AUTS2: variants seen among roughly 807,000 people sequenced by gnomAD.
AUTS2 encodes the protein activator of transcription and developmental regulator AUTS2.
Under a neutral mutation model 112.4 loss-of-function variants are expected in AUTS2, and 17 were observed. The ratio of observed to expected loss-of-function variants is 0.15; its 90% CI spans 0.10 to 0.23. The LOEUF (loss-of-function observed/expected upper bound fraction) is 0.23. Among genes scored for constraint, AUTS2 ranks in the 10% least tolerant of loss-of-function variants. The pLI, the probability that AUTS2 is intolerant of heterozygous loss-of-function variation, is 1.00. For missense variants in AUTS2, 1,510 were observed against 1,701.6 expected, an observed-to-expected ratio of 0.89 and a Z score of 1.98; for synonymous variants, 751 against 702.7, an observed-to-expected ratio of 1.07 and a Z score of -1.09.
At chr7:70,384,059 G>A (rs1217265771) in intron 4 of AUTS2, among the ~76,000 whole-genome samples, 1 of 152,228 alleles carries the variant, frequency 6.6e-6, no homozygotes, top group Non-Finnish European at 1.5e-5. Context: ...GAAAAACCAT[G>A]AGATTGTTTG....
intron 1 of AUTS2, among the ~76,000 whole-genome samples, chr7:69,663,861 A>G (rs2851483): frequency 0.61 from 92,597 of 152,050 alleles, 28,591 homozygotes; most frequent in East Asian, 0.71. Flanking sequence ...TAAATATTCA[A>G]CCAAGGGCAT....
chr7:70,272,235 T>TA (rs59227972), intron 4 of AUTS2, among the ~76,000 whole-genome samples: 1,909 of 143,360 alleles, frequency 0.013, 26 homozygotes, highest in South Asian at 0.03. Context: ...GTAGTTAAAT[T>TA]AAAAAAAAAA....
At chr7:70,020,787 G>A (rs1423456243) in intron 2 of AUTS2, among the ~76,000 whole-genome samples, 1 of 151,954 alleles carries the variant, frequency 6.6e-6, no homozygotes, top group Non-Finnish European at 1.5e-5. Flanking sequence ...AGGCTCAAGT[G>A]ATTCTCCCAC....
intron 2 of AUTS2, among the ~76,000 whole-genome samples, chr7:70,099,744 C>G (rs989485376): frequency 1.3e-5 from 2 of 152,062 alleles, no homozygotes; most frequent in African/African-American, 4.8e-5. Flanking sequence ...AAAAATTCCT[C>G]CAGAAAAGTC....
intron 4 of AUTS2, among the ~76,000 whole-genome samples, chr7:70,173,553 A>C (rs1808822260): frequency 6.6e-6 from 1 of 152,154 alleles, no homozygotes; most frequent in African/African-American, 2.4e-5. Flanking sequence ...ACTTCCAATA[A>C]GTTCTTTTCT....
chr7:69,691,635 A>G (rs912519871), intron 1 of AUTS2, among the ~76,000 whole-genome samples: 6 of 151,404 alleles, frequency 4.0e-5, no homozygotes, highest in African/African-American at 1.2e-4. Flanking sequence ...TTCCAAGCCT[A>G]TGGGAGTTGG....
At chr7:69,619,543 G>A (rs147780121) in intron 1 of AUTS2, among the ~76,000 whole-genome samples, 22 of 152,262 alleles carry the variant, frequency 1.4e-4, no homozygotes, top group African/African-American at 5.1e-4. Context: ...AATAAGATGT[G>A]CCCCACCACC....
chr7:69,783,646 G>A (rs990142634), intron 1 of AUTS2, among the ~76,000 whole-genome samples: 2 of 152,196 alleles, frequency 1.3e-5, no homozygotes, highest in Admixed American at 1.3e-4. Flanking sequence ...AAGGAAAGTA[G>A]CATGCCTGTG....
At position 70,134,057 on chromosome 7, in the gene AUTS2, G is replaced by T. The variant is rs181206250; in HGVS notation, c.625-479G>T. On this transcript the variant is annotated intron_variant, in intron 3 of 18. Transcript: ENST00000342771. ...CTTTAGGGAATAAACTGGCAAGTAG[G>T]TCATACACTGGAAAAGTCATCCAAA... 2.7e-3 allele frequency among the ~76,000 whole-genome samples: 415 copies of T among 152,256 alleles called. 12 individuals are homozygous for T. The highest frequency in any genetic ancestry group is 3.3e-3 in the Non-Finnish European group (227 of 68,020).
chr7:70,082,617 CT>C (rs1462506291), intron 2 of AUTS2, among the ~76,000 whole-genome samples: 1 of 152,164 alleles, frequency 6.6e-6, no homozygotes, highest in East Asian at 1.9e-4. Context: ...GAAACCTGGC[CT>C]TTTAGTCTTG....
intron 4 of AUTS2, among the ~76,000 whole-genome samples, chr7:70,226,106 ATCTAT>A (rs1319173107): frequency 6.6e-6 from 1 of 152,196 alleles, no homozygotes; most frequent in East Asian, 1.9e-4. Context: ...CATTTATGTC[ATCTAT>A]TAAAAGCTAT....
intron 5 of AUTS2, among the ~76,000 whole-genome samples, chr7:70,444,371 T>TGA (rs1395495865): frequency 3.7e-4 from 52 of 141,962 alleles, no homozygotes; most frequent in Admixed American, 1.7e-3. Context: ...TGTGTGTGTG[T>TGA]GTGAGAGAGA....
intron 1 of AUTS2, among the ~76,000 whole-genome samples, chr7:69,725,813 G>A (rs1786481327): frequency 6.6e-6 from 1 of 152,140 alleles, no homozygotes; most frequent in South Asian, 2.1e-4. Context: ...CAAGTTCCAG[G>A]ATACAATCAG....
chr7:70,557,411 C>T (rs1801296562), intron 5 of AUTS2, among the ~76,000 whole-genome samples: 1 of 152,204 alleles, frequency 6.6e-6, no homozygotes, highest in Non-Finnish European at 1.5e-5. Flanking sequence ...GGAGTCCCAC[C>T]CACTCCTCCC....
chr7:69,602,020 GTATA>G (rs1173266676), intron 1 of AUTS2, among the ~76,000 whole-genome samples: 8 of 68,376 alleles, frequency 1.2e-4, no homozygotes, highest in African/African-American at 3.0e-4. Flanking sequence ...ATGTGTGTGT[GTATA>G]TATATATATA....
intron 1 of AUTS2, among the ~76,000 whole-genome samples, chr7:69,607,078 G>A (rs542160873): frequency 6.6e-6 from 1 of 152,152 alleles, no homozygotes; most frequent in African/African-American, 2.4e-5. Context: ...GTATGAGGAG[G>A]GGAGGAGTGA....
At chr7:70,224,346 A>G (rs1052976046) in intron 4 of AUTS2, among the ~76,000 whole-genome samples, 864 of 69,452 alleles carry the variant, frequency 0.012, 11 homozygotes, top group East Asian at 0.052. Flanking sequence ...ATACAATACA[A>G]TACAATACAA....
chr7:69,854,509 C>A (rs1211289795), intron 1 of AUTS2, among the ~76,000 whole-genome samples: 1 of 151,922 alleles, frequency 6.6e-6, no homozygotes, highest in African/African-American at 2.4e-5. Flanking sequence ...AAGATATAAC[C>A]TAGATTTTAT....
chr7:70,325,706 T>C (rs1429083552), intron 4 of AUTS2, among the ~76,000 whole-genome samples: 1 of 152,198 alleles, frequency 6.6e-6, no homozygotes, highest in East Asian at 1.9e-4. Context: ...TGGATGTTAG[T>C]CACCCTTTCT....
Sources: allele counts gnomAD v4.1 joint callset (sites outside exome capture counted in the v4.1 genomes callset), GRCh38; gene constraint gnomAD v4.1.1; transcripts MANE v1.5; gene names NCBI Gene and HGNC (gene_info 2026-07-23, HGNC 2026-07-21).